The following CFAP61 variants were observed in gnomAD, a reference collection of about 807,000 sequenced individuals.
CFAP61 encodes cilia and flagella associated protein 61.
Under a neutral mutation model 135.6 loss-of-function variants are expected in CFAP61, and 107 were observed. The ratio of observed to expected loss-of-function variants is 0.79; its 90% confidence interval spans 0.67 to 0.93. The LOEUF (loss-of-function observed/expected upper bound fraction) is 0.93. CFAP61 is among the 40% of genes least tolerant of loss of function. The pLI is 0.00. For synonymous variants in CFAP61, 575 were observed against 578.5 expected, an observed-to-expected ratio of 0.99 and a Z score of 0.09; for missense variants, 1,507 against 1,556.2, an observed-to-expected ratio of 0.97 and a Z score of 0.53.
chr20:20,258,036 A>T (rs756033638), intron 20 of CFAP61, among the ~76,000 whole-genome samples: 5 of 152,240 alleles, frequency 3.3e-5, no homozygotes, highest in Admixed American at 6.5e-5. Flanking sequence ...AACCAGAATG[A>T]CATAAGGAGA....
At chr20:20,125,026 T>G (rs1279887318) in intron 8 of CFAP61, among the ~76,000 whole-genome samples, 1 of 151,858 alleles carries the variant, frequency 6.6e-6, no homozygotes. Context: ...CATAGTAGCC[T>G]TGAATGATCT....
chr20:20,349,034 C>T (rs1379638465), intron 26 of CFAP61, among the ~76,000 whole-genome samples: 2 of 152,196 alleles, frequency 1.3e-5, no homozygotes, highest in Admixed American at 6.5e-5. Flanking sequence ...GACATCCACA[C>T]TGGAAAGGAA....
chr20:20,085,202 TCC>T, intron 6 of CFAP61: 2 of 985,458 alleles, frequency 2.0e-6, no homozygotes, highest in Non-Finnish European at 2.4e-6. Flanking sequence ...ACAGTGGCTC[TCC>T]TTGCATCCTG....
Position 20,084,541 on chromosome 20 carries a change from G to A in CFAP61, c.567-6303G>A, listed in dbSNP as rs971152381. 5.9e-5 allele frequency among the ~76,000 whole-genome samples: 9 copies of A among 152,278 alleles called. No individual in the cohort carries two copies. The East Asian group carries it at 1.2e-3, about 20-fold the overall frequency. ...CACCTCTCAGACTCGAGGGAAGCAG[G>A]CCTGCAGGTTTTCCTCTGGGGCCGT... is the stretch of plus-strand genomic sequence containing the variant. On this transcript the variant is annotated intron_variant, in intron 6 of 26. Coordinates refer to ENST00000245957, the MANE Select transcript of CFAP61 (RefSeq NM_015585.4).
chr20:20,168,220 G>A (rs1208339993), intron 12 of CFAP61, among the ~76,000 whole-genome samples: 1 of 151,768 alleles, frequency 6.6e-6, no homozygotes, highest in Non-Finnish European at 1.5e-5. Context: ...ATGCCACCAT[G>A]CCCAGCTAAT....
At chr20:20,220,526 G>A (rs1299247330) in intron 17 of CFAP61, among the ~76,000 whole-genome samples, 1 of 152,132 alleles carries the variant, frequency 6.6e-6, no homozygotes, top group Non-Finnish European at 1.5e-5. Context: ...TGTGAAGTGG[G>A]GGTACAGGGA....
At chr20:20,116,184 T>C (rs2049127101) in intron 8 of CFAP61, among the ~76,000 whole-genome samples, 2 of 152,238 alleles carry the variant, frequency 1.3e-5, no homozygotes, top group African/African-American at 4.8e-5. Context: ...ATCTCTGTGA[T>C]GATTAGTGAT....
At chr20:20,183,938 T>C (rs981121685) in intron 13 of CFAP61, among the ~76,000 whole-genome samples, 3 of 152,194 alleles carry the variant, frequency 2.0e-5, no homozygotes, top group Non-Finnish European at 4.4e-5. Flanking sequence ...CTTTGGTGAA[T>C]ATGAATAGCA....
intron 25 of CFAP61, among the ~76,000 whole-genome samples, chr20:20,304,230 T>C (rs1309400230): frequency 1.3e-5 from 2 of 149,958 alleles, no homozygotes; most frequent in East Asian, 2.0e-4. Flanking sequence ...GTACAAACCA[T>C]TGGCACTGAA....
At chr20:20,310,732 A>G (rs1030072570) in intron 25 of CFAP61, among the ~76,000 whole-genome samples, 1 of 152,234 alleles carries the variant, frequency 6.6e-6, no homozygotes, top group Non-Finnish European at 1.5e-5. Flanking sequence ...TGCCAGCTCC[A>G]TGACCAATCC....
chr20:20,213,226 T>A (rs1292771134), intron 17 of CFAP61, among the ~76,000 whole-genome samples: 1 of 152,196 alleles, frequency 6.6e-6, no homozygotes, highest in African/African-American at 2.4e-5. Context: ...TTTGACTTAG[T>A]TTCATAATTA....
intron 18 of CFAP61, among the ~76,000 whole-genome samples, chr20:20,229,684 C>G (rs75471552): frequency 1.3e-5 from 2 of 152,134 alleles, no homozygotes; most frequent in Non-Finnish European, 2.9e-5. Flanking sequence ...ATCACATTAA[C>G]CAGATAAAAA....
intron 8 of CFAP61, among the ~76,000 whole-genome samples, chr20:20,120,253 T>C (rs1271740161): frequency 1.3e-5 from 2 of 152,226 alleles, no homozygotes; most frequent in African/African-American, 2.4e-5. Context: ...CTTCCTACTT[T>C]TCTGATGTGG....
chr20:20,312,254 A>C (rs2056876230), intron 25 of CFAP61, among the ~76,000 whole-genome samples: 1 of 152,238 alleles, frequency 6.6e-6, no homozygotes, highest in Non-Finnish European at 1.5e-5. Context: ...ATGTTGAAAC[A>C]GCTATTATAA....
At chr20:20,222,611 C>T (rs1389342787) in intron 17 of CFAP61, among the ~76,000 whole-genome samples, 1 of 152,120 alleles carries the variant, frequency 6.6e-6, no homozygotes, top group Non-Finnish European at 1.5e-5. Flanking sequence ...CCTCAACAGA[C>T]TTATGCTCTG....
At chr20:20,199,941 G>A in intron 17 of CFAP61, 39 bp downstream of exon 17, 1 of 1,607,650 alleles carries the variant, frequency 6.2e-7, no homozygotes, top group Non-Finnish European at 8.5e-7. Flanking sequence ...CGCGGTGCCA[G>A]CTCCCGCGGG....
intron 8 of CFAP61, among the ~76,000 whole-genome samples, chr20:20,103,774 G>C (rs1310508773): frequency 6.6e-6 from 1 of 152,146 alleles, no homozygotes; most frequent in Non-Finnish European, 1.5e-5. Flanking sequence ...TTTGTTAGCT[G>C]CATCACCCAA....
chr20:20,095,200 A>C (rs1600605529), intron 7 of CFAP61, among the ~76,000 whole-genome samples: 1 of 152,104 alleles, frequency 6.6e-6, no homozygotes, highest in South Asian at 2.1e-4. Context: ...ATTCCCTCCC[A>C]ACTACATGTT....
chr20:20,125,844 T>C (rs927413835), intron 8 of CFAP61, among the ~76,000 whole-genome samples: 3 of 151,870 alleles, frequency 2.0e-5, no homozygotes, highest in African/African-American at 7.3e-5. Flanking sequence ...ATTGTGTTGC[T>C]GTCTATCTCA....
Sources: gnomAD v4.1 joint callset for allele counts (sites outside exome capture counted in the v4.1 genomes callset) on GRCh38, gnomAD v4.1.1 for gene constraint, MANE v1.5 for transcripts, NCBI Gene and HGNC (gene_info 2026-07-23, HGNC 2026-07-21) for gene names.